The following SOX15 variants were observed in gnomAD, a reference collection of about 807,000 sequenced individuals.
SOX15 encodes SRY-box transcription factor 15.
Under a neutral mutation model 15.9 loss-of-function variants are expected in SOX15, and 12 were observed. That is an observed-to-expected ratio of 0.75 (90% CI 0.48 to 1.22). The LOEUF (loss-of-function observed/expected upper bound fraction) is 1.22. Among genes scored for constraint, SOX15 ranks in the 50% most tolerant of loss-of-function variants. The probability of loss-of-function intolerance (pLI) is 0.00; values close to 1 mark genes in which losing one functional copy is unlikely to be tolerated. For missense variants in SOX15, 309 were observed against 313.9 expected, an observed-to-expected ratio of 0.98 and a Z score of 0.12; for synonymous variants, 149 against 142.8, an observed-to-expected ratio of 1.04 and a Z score of -0.31.
rs758960626 is a variant in SOX15, at chr17:7,588,403, G to A, written c.677C>T (p.Ala226Val). ...TTAGAGGTGGGTTAGGGGCATGGGGGCACCAGCAAGGGGAGGGTTGTATGG... is the reference window on the plus strand; with the variant it reads ...TTAGAGGTGGGTTAGGGGCATGGGGACACCAGCAAGGGGAGGGTTGTATGG... ...PTPYNPPLAG[A>V]PMPLTHL Residue 226 changes from alanine (A) to valine (V), a missense_variant, in exon 2 of 2, where the codon GCC becomes GTC. By Grantham distance (64) the Ala-to-Val change is moderately conservative (BLOSUM62 0). Coordinates refer to ENST00000250055, the MANE Select transcript of SOX15 (RefSeq NM_006942.2). The A allele has an allele frequency of 1.8e-5, 29 of 1,613,136 alleles. No homozygotes were observed. Among genetic ancestry groups the A allele is most frequent in the Non-Finnish European group, 2.1e-5 (25 of 1,179,522 alleles).
rs2071637467 is a variant in SOX15, at chr17:7,589,734, C to G, written c.-58G>C. 1 of 1,420,294 alleles carries G rather than the reference C, an allele frequency of 7.0e-7. No homozygotes were observed. Among genetic ancestry groups the G allele is most frequent in the African/African-American group, 1.4e-5 (1 of 69,078 alleles). 88.0% of individuals were successfully genotyped at this position (1,420,294 alleles called of 1,614,324 possible). A position where few individuals can be genotyped will look rare whatever the true frequency, so the allele number is the denominator to read the frequency against. On this transcript the variant is annotated 5_prime_UTR_variant, in exon 1 of 2. Coordinates refer to ENST00000250055, the MANE Select transcript of SOX15 (RefSeq NM_006942.2). The stretch of plus-strand genomic sequence containing the variant: ...ATGCCCTCCCCTCAACGTGAAGCGT[C>G]GATCCTGAAAATGGAAAGGTCTTCC...
rs1221412983 is a variant in SOX15, at chr17:7,588,602, G to C, written c.534-56C>G. The C allele has an allele frequency of 2.7e-5, 41 of 1,546,454 alleles. No homozygotes were observed. In the Admixed American group the frequency reaches 6.2e-4, roughly 23 times the overall value. On this transcript the variant is annotated intron_variant, in intron 1 of 1. Coordinates refer to ENST00000250055, the MANE Select transcript of SOX15 (RefSeq NM_006942.2). ...CTTCCCTGGGTTGGAGGTGAGTCTG[G>C]CCAGTTCTGGGCAGACAGGGTAGAG...
In SOX15 at chr17:7,589,232, C is replaced by T; in HGVS notation, c.445G>A (p.Gly149Arg). The T allele has an allele frequency of 1.9e-6, 3 of 1,546,094 alleles. No homozygotes were observed. The highest frequency in any genetic ancestry group is 1.2e-5 in the South Asian group (1 of 84,278). ...GNLASGGPLWGPGYATTQPSR... is the reference protein window; with the variant it reads ...GNLASGGPLWRPGYATTQPSR... The stretch of plus-strand genomic sequence containing the variant: ...GGTTGGGTGGTCGCGTACCCCGGCC[C>T]CCAGAGCGGGCCGCCGCTGGCCAGG... The change falls in exon 1 of 2, where the codon GGG becomes AGG. Residue 149 changes from glycine to arginine, a missense_variant. Transcript: ENST00000250055.
chr17:7,589,532 CCTT>C lies in SOX15; in HGVS notation c.142_144del (p.Lys48del). On this transcript the variant is annotated inframe_deletion, in exon 1 of 2. Transcript: ENST00000250055. Reference sequence around the variant, plus strand: ...ATGAACGCGTTCATCGGCCGCTTCACCTTCTCCAGGGGCAGCGTCCCGGGGGCC... The same window carrying C: ...ATGAACGCGTTCATCGGCCGCTTCACCTCCAGGGGCAGCGTCCCGGGGGCC... The C allele has an allele frequency of 6.2e-7, 1 of 1,610,578 alleles. No homozygotes were observed. The highest frequency in any genetic ancestry group is 8.5e-7 in the Non-Finnish European group (1 of 1,178,948).
chr17:7,588,661 G>T (rs2071624535), intron 1 of SOX15, 115 bp from the exon 2 acceptor site: 2 of 1,131,610 alleles, frequency 1.8e-6, no homozygotes, highest in Non-Finnish European at 2.6e-6. Flanking sequence ...TACCCAGCCC[G>T]CTGGGCGCAG....
rs1205447060 is a variant in SOX15 at position 7,589,710 on chromosome 17, T to C, written c.-34A>G. 1 of 1,487,948 alleles carries C rather than the reference T, an allele frequency of 6.7e-7. No individual in the cohort carries two copies. Among genetic ancestry groups the C allele is most frequent in the Non-Finnish European group, 8.9e-7 (1 of 1,119,202 alleles). 92.2% of individuals were successfully genotyped at this position (1,487,948 alleles called of 1,614,324 possible). A position where few individuals can be genotyped will look rare whatever the true frequency, so the allele number is the denominator to read the frequency against. ...AGAAGCCTTAAGAGGGCGTCCTGAA[T>C]GCCCTCCCCTCAACGTGAAGCGTCG... On this transcript the variant is annotated 5_prime_UTR_variant, in exon 1 of 2. Coordinates refer to ENST00000250055, the MANE Select transcript of SOX15 (RefSeq NM_006942.2).
rs1315993575 is a variant in SOX15 at position 7,589,173 on chromosome 17, G to A, written c.504C>T (p.Tyr168=). ...SRGFGYRPPS[Y]STAYLPGSYG... Reference sequence around the variant, plus strand: ...AGCTGCCAGGCAGGTAGGCTGTCGAGTAGCTGGGGGGTCTGTACCCAAAGC... The same window carrying A: ...AGCTGCCAGGCAGGTAGGCTGTCGAATAGCTGGGGGGTCTGTACCCAAAGC... Residue 168 remains tyrosine (Y), a synonymous_variant, in exon 1 of 2, where the codon TAC becomes TAT. Coordinates refer to ENST00000250055, the MANE Select transcript of SOX15 (RefSeq NM_006942.2). 2.6e-6 allele frequency: 4 copies of A among 1,511,108 alleles called. No homozygotes were observed. Among genetic ancestry groups the A allele is most frequent in the South Asian group, 2.5e-5 (2 of 80,126 alleles). The allele number at this position is 1,511,108 out of a possible 1,614,324, so 93.6% of individuals were successfully genotyped here.
chr17:7,589,940 G>T lies in SOX15; in HGVS notation c.-264C>A. 3 of 500,388 alleles carry T rather than the reference G, an allele frequency of 6.0e-6. No homozygotes were observed. Among genetic ancestry groups the T allele is most frequent in the Non-Finnish European group, 7.0e-6 (2 of 284,782 alleles). The allele number at this position is 500,388 out of a possible 1,614,324, so 31.0% of individuals were successfully genotyped here. On this transcript the variant is annotated 5_prime_UTR_variant, in exon 1 of 2. Transcript: ENST00000250055. ...AGGTGTTCTGAGGCCTACTGACTGG[G>T]GGACCCCCGGTCCCTCTCCCCGACC...
Position 7,589,963 on chromosome 17 carries a change from A to C in SOX15, c.-287T>G, listed in dbSNP as rs372425599. 2.6e-5 allele frequency: 12 copies of C among 456,072 alleles called. No individual in the cohort carries two copies. The South Asian group carries it at 3.4e-4, about 13-fold the overall frequency. 28.3% of individuals were successfully genotyped at this position (456,072 alleles called of 1,614,324 possible). ...GGGGGACCCCCGGTCCCTCTCCCCGACCCGCAGCTGCGATCAGACCGACCT... is the reference window on the plus strand; with the variant it reads ...GGGGGACCCCCGGTCCCTCTCCCCGCCCCGCAGCTGCGATCAGACCGACCT... On this transcript the variant is annotated 5_prime_UTR_variant, in exon 1 of 2. Transcript: ENST00000250055.
At position 7,588,420 on chromosome 17, in the gene SOX15, G is replaced by A; in HGVS notation, c.660C>T (p.Asn220=). ...GCATGGGGGCACCAGCAAGGGGAGG[G>A]TTGTATGGAGTGGGAGAGCCAGGGG... ...YLPPGSPTPY[N]PPLAGAPMPL... The change falls in exon 2 of 2, where the codon AAC becomes AAT. Residue 220 remains asparagine (N), a synonymous_variant. Coordinates refer to ENST00000250055, the MANE Select transcript of SOX15 (RefSeq NM_006942.2). 1.2e-6 allele frequency: 2 copies of A among 1,613,738 alleles called. No homozygotes were observed. Among genetic ancestry groups the A allele is most frequent in the Non-Finnish European group, 1.7e-6 (2 of 1,179,792 alleles).
Position 7,589,178 on chromosome 17 carries a change from T to C in SOX15, c.499A>G (p.Ser167Gly), listed in dbSNP as rs1194329951. ...CCAGGCAGGTAGGCTGTCGAGTAGC[T>C]GGGGGGTCTGTACCCAAAGCCTCTG... Reference protein sequence around the residue: ...PSRGFGYRPPSYSTAYLPGSY... With the variant: ...PSRGFGYRPPGYSTAYLPGSY... Residue 167 changes from serine (S) to glycine (G), a missense_variant, in exon 1 of 2, where the codon AGC becomes GGC. Coordinates refer to ENST00000250055, the MANE Select transcript of SOX15 (RefSeq NM_006942.2). The C allele has an allele frequency of 4.6e-6, 7 of 1,518,496 alleles. No homozygotes were observed. The highest frequency in any genetic ancestry group is 6.2e-6 in the Non-Finnish European group (7 of 1,129,096). 94.1% of individuals were successfully genotyped at this position (1,518,496 alleles called of 1,614,324 possible).
Position 7,588,522 on chromosome 17 carries a change from G to A in SOX15, c.558C>T (p.Ala186=). ...TCTGAGGGAGGGAGCACGGTGAGGG[G>A]GCTTCCAGTTTGCAGTGGGAAGAGC... ...SYGSSHCKLE[A]PSPCSLPQSD... The change falls in exon 2 of 2, where the codon GCC becomes GCT. Residue 186 remains alanine, a synonymous_variant. Coordinates refer to ENST00000250055, the MANE Select transcript of SOX15 (RefSeq NM_006942.2). 6.2e-7 allele frequency: 1 copy of A among 1,613,470 alleles called. No homozygotes were observed. Among genetic ancestry groups the A allele is most frequent in the Non-Finnish European group, 8.5e-7 (1 of 1,179,988 alleles).
rs1328619844 is a variant in SOX15 at position 7,588,451 on chromosome 17, T to C, written c.629A>G (p.Tyr210Cys). Residue 210 changes from tyrosine to cysteine, a missense_variant, in exon 2 of 2, where the codon TAC becomes TGC. Coordinates refer to ENST00000250055, the MANE Select transcript of SOX15 (RefSeq NM_006942.2). ...QGELLPTYTH[Y>C]LPPGSPTPYN... is the part of the protein sequence containing the mutation. ...TGGAGTGGGAGAGCCAGGGGGCAGGTAGTGGGTATAGGTGGGCAGCAGTTC... is the reference window on the plus strand; with the variant it reads ...TGGAGTGGGAGAGCCAGGGGGCAGGCAGTGGGTATAGGTGGGCAGCAGTTC... The C allele has an allele frequency of 1.2e-6, 2 of 1,613,244 alleles. No individual in the cohort carries two copies. Among genetic ancestry groups the C allele is most frequent in the South Asian group, 1.1e-5 (1 of 91,042 alleles).
Position 7,589,769 on chromosome 17 carries a change from G to T in SOX15, c.-93C>A. Reference sequence around the variant, plus strand: ...AATGGAAAGGTCTTCCCAGTCTGGAGTCGTTGCCGAGGAACTTGGGTCCTT... The same window carrying T: ...AATGGAAAGGTCTTCCCAGTCTGGATTCGTTGCCGAGGAACTTGGGTCCTT... On this transcript the variant is annotated 5_prime_UTR_variant, in exon 1 of 2. Transcript: ENST00000250055. The T allele has an allele frequency of 8.4e-7, 1 of 1,193,918 alleles. No individual in the cohort carries two copies. Among genetic ancestry groups the T allele is most frequent in the Non-Finnish European group, 1.1e-6 (1 of 875,338 alleles). 74.0% of individuals were successfully genotyped at this position (1,193,918 alleles called of 1,614,324 possible).
In SOX15 at chr17:7,589,221, G is replaced by A. The variant is rs1401846115; in HGVS notation, c.456C>T (p.Tyr152=). ...ASGGPLWGPG[Y]ATTQPSRGFG... ...AGCCTCTGCTCGGTTGGGTGGTCGC[G>A]TACCCCGGCCCCCAGAGCGGGCCGC... The change falls in exon 1 of 2, where the codon TAC becomes TAT. Residue 152 remains tyrosine, a synonymous_variant. Transcript: ENST00000250055. 1 of 1,542,374 alleles carries A rather than the reference G, an allele frequency of 6.5e-7. No homozygotes were observed. Among genetic ancestry groups the A allele is most frequent in the Non-Finnish European group, 8.7e-7 (1 of 1,142,940 alleles).
In SOX15 at chr17:7,589,723, A is replaced by C; in HGVS notation, c.-47T>G. On this transcript the variant is annotated 5_prime_UTR_variant, in exon 1 of 2. Transcript: ENST00000250055. ...GGGCGTCCTGAATGCCCTCCCCTCAACGTGAAGCGTCGATCCTGAAAATGG... is the reference window on the plus strand; with the variant it reads ...GGGCGTCCTGAATGCCCTCCCCTCACCGTGAAGCGTCGATCCTGAAAATGG... 6.9e-7 allele frequency: 1 copy of C among 1,448,394 alleles called. No homozygotes were observed. Among genetic ancestry groups the C allele is most frequent in the Non-Finnish European group, 9.2e-7 (1 of 1,089,762 alleles). 89.7% of individuals were successfully genotyped at this position (1,448,394 alleles called of 1,614,324 possible). A position where few individuals can be genotyped will look rare whatever the true frequency, so the allele number is the denominator to read the frequency against.
rs1000051307 is a variant in SOX15, at chr17:7,589,842, G to T, written c.-166C>A. On this transcript the variant is annotated 5_prime_UTR_variant, in exon 1 of 2. Transcript: ENST00000250055. Reference sequence around the variant, plus strand: ...GCCCAGAGCTTAAACCGGAGCCTTTGCTTCCAACCTGTTCGGCACACTTTG... The same window carrying T: ...GCCCAGAGCTTAAACCGGAGCCTTTTCTTCCAACCTGTTCGGCACACTTTG... The T allele has an allele frequency of 1.4e-5, 9 of 642,182 alleles. No homozygotes were observed. The highest frequency in any genetic ancestry group is 2.4e-5 in the Non-Finnish European group (9 of 382,392). The allele number at this position is 642,182 out of a possible 1,614,324, so 39.8% of individuals were successfully genotyped here. A position where few individuals can be genotyped will look rare whatever the true frequency, so the allele number is the denominator to read the frequency against.
Position 7,588,389 on chromosome 17 carries a change from T to A in SOX15, c.691A>T (p.Thr231Ser). 6.2e-7 allele frequency: 1 copy of A among 1,612,662 alleles called. No homozygotes were observed. Among genetic ancestry groups the A allele is most frequent in the Non-Finnish European group, 8.5e-7 (1 of 1,179,336 alleles). ...TGCGTCCATGAGGGTTAGAGGTGGG[T>A]TAGGGGCATGGGGGCACCAGCAAGG... Reference protein sequence around the residue: ...PPLAGAPMPLTHL With the variant: ...PPLAGAPMPLSHL Residue 231 changes from threonine to serine, a missense_variant, in exon 2 of 2, where the codon ACC (threonine) becomes TCC (serine). Coordinates refer to ENST00000250055, the MANE Select transcript of SOX15 (RefSeq NM_006942.2).
At position 7,588,486 on chromosome 17, in the gene SOX15, C is replaced by A. The variant is rs1266471059; in HGVS notation, c.594G>T (p.Arg198Ser). Residue 198 changes from arginine (R) to serine (S), a missense_variant, in exon 2 of 2, where the codon AGG becomes AGT. Arg to Ser is a moderately radical substitution (Grantham distance 110). Transcript: ENST00000250055. Reference sequence around the variant, plus strand: ...AGGTGGGCAGCAGTTCCCCCTGGAGCCTAGGGTCACTCTGAGGGAGGGAGC... The same window carrying A: ...AGGTGGGCAGCAGTTCCCCCTGGAGACTAGGGTCACTCTGAGGGAGGGAGC... The part of the protein sequence containing the change: ...SPCSLPQSDP[R>S]LQGELLPTYT... The A allele has an allele frequency of 6.2e-7, 1 of 1,613,824 alleles. No individual in the cohort carries two copies. Among genetic ancestry groups the A allele is most frequent in the Admixed American group, 1.7e-5 (1 of 60,026 alleles).
Sources: allele counts gnomAD v4.1 joint callset, GRCh38; gene constraint gnomAD v4.1.1; transcripts MANE v1.5; gene names NCBI Gene and HGNC (gene_info 2026-07-23, HGNC 2026-07-21).